Variants in QTMAN observed in about 807,000 individuals in gnomAD.
QTMAN encodes queuosine-tRNA mannosyltransferase, also known as tRNA-queuosine alpha-mannosyltransferase.
chr2:144,053,984 G>A, the QTMAN span, among the ~76,000 whole-genome samples: 1 of 151,926 alleles, frequency 6.6e-6, no homozygotes, highest in East Asian at 1.9e-4. Flanking sequence ...TCAGGAGATC[G>A]AGATCATCCT....
At chr2:144,122,409 AT>A in the QTMAN span, among the ~76,000 whole-genome samples, 1 of 152,228 alleles carries the variant, frequency 6.6e-6, no homozygotes, top group African/African-American at 2.4e-5. Flanking sequence ...GCTATTAATC[AT>A]CAAGATTCAG....
chr2:144,331,825 AG>A, the QTMAN span, among the ~76,000 whole-genome samples: 1 of 152,112 alleles, frequency 6.6e-6, no homozygotes, highest in South Asian at 2.1e-4. Context: ...GGGCACAGTG[AG>A]GGTCTTCACA....
chr2:144,072,251 A>C, the QTMAN span, among the ~76,000 whole-genome samples: 3 of 152,256 alleles, frequency 2.0e-5, no homozygotes, highest in African/African-American at 7.2e-5. Flanking sequence ...AGCAGAAAAG[A>C]GGTGTATTTC....
the QTMAN span, among the ~76,000 whole-genome samples, chr2:144,309,744 A>G: frequency 3.9e-5 from 6 of 152,372 alleles, no homozygotes; most frequent in Middle Eastern, 3.4e-3. Flanking sequence ...ACATTTTACT[A>G]TATGCAAATT....
At chr2:144,065,084 C>T in the QTMAN span, among the ~76,000 whole-genome samples, 2 of 152,162 alleles carry the variant, frequency 1.3e-5, no homozygotes, top group Admixed American at 1.3e-4. Flanking sequence ...GAGCTTATGT[C>T]CCATCCAAAG....
At chr2:144,107,770 C>T in the QTMAN span, among the ~76,000 whole-genome samples, 1 of 152,146 alleles carries the variant, frequency 6.6e-6, no homozygotes, top group Non-Finnish European at 1.5e-5. Context: ...CAGCATCATC[C>T]TGATACCAAA....
the QTMAN span, among the ~76,000 whole-genome samples, chr2:144,134,441 TC>T: frequency 6.6e-6 from 1 of 152,134 alleles, no homozygotes; most frequent in Non-Finnish European, 1.5e-5. Flanking sequence ...ATGACCAACA[TC>T]CTTTTTCCCT....
the QTMAN span, among the ~76,000 whole-genome samples, chr2:144,054,639 C>T: frequency 6.6e-6 from 1 of 152,086 alleles, no homozygotes; most frequent in Admixed American, 6.6e-5. Context: ...GATGATGAAC[C>T]CCTGACCTGG....
At chr2:144,050,781 G>GCACACACACA in the QTMAN span, among the ~76,000 whole-genome samples, 42 of 149,008 alleles carry the variant, frequency 2.8e-4, no homozygotes, top group African/African-American at 9.5e-4. Context: ...CTTTCAGTCA[G>GCACACACACA]CACACACACA....
chr2:144,276,399 T>C, the QTMAN span, among the ~76,000 whole-genome samples: 1 of 151,926 alleles, frequency 6.6e-6, no homozygotes, highest in East Asian at 1.9e-4. Context: ...GGTCTTGCTA[T>C]GTTGCCAAGG....
the QTMAN span, among the ~76,000 whole-genome samples, chr2:144,313,174 C>A: frequency 6.6e-6 from 1 of 152,158 alleles, no homozygotes; most frequent in African/African-American, 2.4e-5. Context: ...AAAACTAACT[C>A]CCCACTAGAT....
chr2:144,136,887 T>C, the QTMAN span, among the ~76,000 whole-genome samples: 2 of 152,278 alleles, frequency 1.3e-5, no homozygotes, highest in Non-Finnish European at 2.9e-5. Flanking sequence ...GTATTAATAT[T>C]ACAAAATCTG....
the QTMAN span, among the ~76,000 whole-genome samples, chr2:144,054,722 G>A: frequency 1.3e-5 from 2 of 152,058 alleles, no homozygotes; most frequent in African/African-American, 2.4e-5. Flanking sequence ...ACTGCTCTGA[G>A]GCCAACTGTT....
chr2:144,172,592 C>T, the QTMAN span, among the ~76,000 whole-genome samples: 1 of 146,604 alleles, frequency 6.8e-6, no homozygotes, highest in African/African-American at 2.6e-5. Context: ...CCACTACACT[C>T]CAGCCTGGGT....
chr2:144,212,701 C>A, the QTMAN span, among the ~76,000 whole-genome samples: 1 of 152,114 alleles, frequency 6.6e-6, no homozygotes, highest in East Asian at 1.9e-4. Context: ...AAATTTTAAT[C>A]AATTTTTAAG....
At chr2:144,007,135 T>C in the QTMAN span, 2 of 1,078,774 alleles carry the variant, frequency 1.9e-6, no homozygotes, top group Admixed American at 4.8e-5. Flanking sequence ...ATATATTTTC[T>C]TTTACCAGTT....
At chr2:144,107,133 A>C in the QTMAN span, among the ~76,000 whole-genome samples, 23 of 152,352 alleles carry the variant, frequency 1.5e-4, no homozygotes, top group Non-Finnish European at 2.8e-4. Flanking sequence ...TTATAGCACT[A>C]AATGCCCACA....
chr2:144,088,675 T>G, the QTMAN span, among the ~76,000 whole-genome samples: 4 of 151,916 alleles, frequency 2.6e-5, no homozygotes, highest in Non-Finnish European at 5.9e-5. Context: ...CACATATTCA[T>G]AGCCAACTGG....
chr2:144,246,187 G>A, the QTMAN span, among the ~76,000 whole-genome samples: 1 of 152,134 alleles, frequency 6.6e-6, no homozygotes, highest in Non-Finnish European at 1.5e-5. Context: ...TAATACTAAG[G>A]GAGGATAAAT....
Sources: allele counts gnomAD v4.1 joint callset (sites outside exome capture counted in the v4.1 genomes callset), GRCh38; gene constraint gnomAD v4.1.1; transcripts MANE v1.5; gene names NCBI Gene and HGNC (gene_info 2026-07-23, HGNC 2026-07-21).